The following ATP9A variants were observed in gnomAD, a reference collection of about 807,000 sequenced individuals.
ATP9A encodes ATPase phospholipid transporting 9A.
ATP9A carries 52 observed loss-of-function variants against 144.1 expected under a neutral mutation model. The ratio of observed to expected loss-of-function variants is 0.36; its 90% CI spans 0.29 to 0.45. ATP9A has a LOEUF of 0.45. Ranked by LOEUF, ATP9A falls within the 20% of genes least tolerant of loss-of-function variation. ATP9A has a pLI of 1.00. For synonymous variants in ATP9A, 582 were observed against 557.4 expected (o/e 1.04, Z -0.62); for missense variants, 947 against 1,392.7 (o/e 0.68, Z 5.09).
chr20:51,604,792 G>C, intron 27 of ATP9A, 25 bp downstream of exon 27: 1 of 1,463,176 alleles, frequency 6.8e-7, no homozygotes, highest in East Asian at 2.6e-5. Flanking sequence ...GTGACGGACG[G>C]GGTTTAAGCA....
intron 1 of ATP9A, among the ~76,000 whole-genome samples, chr20:51,736,884 G>A (rs1366561517): frequency 6.6e-6 from 1 of 152,108 alleles, no homozygotes; most frequent in Non-Finnish European, 1.5e-5. Flanking sequence ...GGAGTGAGGA[G>A]TAGGGTACTA....
chr20:51,620,521 T>C (rs1326301981), intron 19 of ATP9A, among the ~76,000 whole-genome samples: 1 of 152,130 alleles, frequency 6.6e-6, no homozygotes, highest in Admixed American at 6.5e-5. Context: ...TTCATTAACA[T>C]TGAGCTCACA....
intron 22 of ATP9A, among the ~76,000 whole-genome samples, chr20:51,615,459 T>TA (rs908189604): frequency 6.6e-6 from 1 of 152,058 alleles, no homozygotes; most frequent in Non-Finnish European, 1.5e-5. Context: ...GTTTTCAATT[T>TA]AAAAAAATAC....
At chr20:51,629,743 G>C (rs923356195) in intron 15 of ATP9A, among the ~76,000 whole-genome samples, 3 of 152,218 alleles carry the variant, frequency 2.0e-5, no homozygotes, top group Non-Finnish European at 2.9e-5. Context: ...GATTTTCTGG[G>C]TAGTGGGTAG....
chr20:51,619,019 G>A lies in ATP9A; in HGVS notation c.2140C>T (p.Leu714Phe). 1.9e-6 allele frequency: 3 copies of A among 1,614,170 alleles called. No homozygotes were observed. The highest frequency in any genetic ancestry group is 2.5e-6 in the Non-Finnish European group (3 of 1,180,026). ...RLVTNRGEAHLELNAFRRKHD... is the reference protein window; with the variant it reads ...RLVTNRGEAHFELNAFRRKHD... ...TTCCTGCGGAAGGCGTTCAGCTCGA[G>A]GTGAGCCTCCCCGCGGTTGGTCACC... The change falls in exon 20 of 28, where the codon CTC becomes TTC. Residue 714 changes from leucine (L) to phenylalanine (F), a missense_variant. Leu to Phe is a conservative substitution (Grantham distance 22). Coordinates refer to ENST00000338821, the MANE Select transcript of ATP9A (RefSeq NM_006045.3).
intron 13 of ATP9A, among the ~76,000 whole-genome samples, chr20:51,663,306 C>T (rs1289988061): frequency 2.6e-5 from 4 of 152,098 alleles, no homozygotes; most frequent in African/African-American, 9.7e-5. Context: ...GGCGTTTTGT[C>T]CACCCAGGTG....
chr20:51,603,194 C>T lies in ATP9A; in HGVS notation c.3007+1623G>A, dbSNP rs185860899. On this transcript the variant is annotated intron_variant, in intron 27 of 27. Coordinates refer to ENST00000338821, the MANE Select transcript of ATP9A (RefSeq NM_006045.3). ...AGCTGATAAAGGAGAAACAGTATCACTCTTGAGGGTTTTTTGTTTGAATAA... is the reference window on the plus strand; with the variant it reads ...AGCTGATAAAGGAGAAACAGTATCATTCTTGAGGGTTTTTTGTTTGAATAA... 2.2e-3 allele frequency among the ~76,000 whole-genome samples: 330 copies of T among 152,310 alleles called. 2 individuals carry two copies. The highest frequency in any genetic ancestry group is 7.6e-3 in the African/African-American group (315 of 41,570).
rs1273614407 is a variant in ATP9A at position 51,656,966 on chromosome 20, C to A, written c.1478G>T (p.Arg493Leu). 1 of 1,613,958 alleles carries A rather than the reference C, an allele frequency of 6.2e-7. No individual in the cohort carries two copies. The highest frequency in any genetic ancestry group is 8.5e-7 in the Non-Finnish European group (1 of 1,180,016). The change falls in exon 14 of 28, where the codon CGC becomes CTC. Residue 493 changes from arginine (R) to leucine (L), a missense_variant. Physicochemically the swap from Arg to Leu is moderately radical, Grantham distance 102. This residue lies in a region of ATP9A where 770 missense variants were observed against 1,047.9 expected (regional missense o/e 0.73). Transcript: ENST00000338821. Reference protein sequence around the residue: ...EAEKQYEDSCRVYQASSPDEV... With the variant: ...EAEKQYEDSCLVYQASSPDEV... ...ATCGGGGCTGGATGCCTGGTATACG[C>A]GGCAGGAGTCTTCGTACTGCTTCTC...
At chr20:51,604,681 A>T (rs1015526240) in intron 27 of ATP9A, 136 bp downstream of exon 27, 1 of 727,140 alleles carries the variant, frequency 1.4e-6, no homozygotes, top group African/African-American at 1.8e-5. Context: ...AAACGTGGAC[A>T]GCTGAGCGGG....
rs11477336 is a variant in ATP9A, at chr20:51,658,888, CGGGGG to C, written c.1294-1743_1294-1739del. On this transcript the variant is annotated intron_variant, in intron 13 of 27. Transcript: ENST00000338821. The stretch of plus-strand genomic sequence containing the variant: ...ATATAATGAAAATTAAGACCACTGG[CGGGGG>C]GGGGGGGGGGAAGGCTCATTGTTGA... Among the ~76,000 whole-genome samples the C allele has an allele frequency of 3.1e-4, 17 of 54,850 alleles. 3 individuals are homozygous for C. Among genetic ancestry groups the C allele is most frequent in the African/African-American group, 8.4e-4 (10 of 11,924 alleles). 36.0% of individuals were successfully genotyped at this position (54,850 alleles called of 152,430 possible).
At chr20:51,671,091 C>A in intron 12 of ATP9A, 24 bp downstream of exon 12, 2 of 1,608,538 alleles carry the variant, frequency 1.2e-6, no homozygotes, top group Non-Finnish European at 1.7e-6. Flanking sequence ...AGGAATCCTG[C>A]GCAGGTCCCA....
chr20:51,652,103 C>T (rs1280703373), intron 14 of ATP9A, among the ~76,000 whole-genome samples: 1 of 152,164 alleles, frequency 6.6e-6, no homozygotes, highest in Non-Finnish European at 1.5e-5. Context: ...CACTCCCCAC[C>T]ACCCACTCTC....
chr20:51,663,888 G>A (rs2077422077), intron 13 of ATP9A, among the ~76,000 whole-genome samples: 1 of 151,920 alleles, frequency 6.6e-6, no homozygotes, highest in East Asian at 1.9e-4. Context: ...CTGGCAGTCA[G>A]TACTGATGAA....
intron 9 of ATP9A, among the ~76,000 whole-genome samples, chr20:51,679,937 A>G (rs1016347032): frequency 2.0e-5 from 3 of 152,108 alleles, no homozygotes; most frequent in Admixed American, 6.6e-5. Context: ...AGGCACTATC[A>G]AACTGTTGTG....
intron 5 of ATP9A, 26 bp downstream of exon 5, chr20:51,697,398 C>T: frequency 6.2e-7 from 1 of 1,610,592 alleles, no homozygotes; most frequent in African/African-American, 1.3e-5. Flanking sequence ...GTGGTATCCA[C>T]ACACAAGCTT....
intron 3 of ATP9A, among the ~76,000 whole-genome samples, chr20:51,713,447 AG>A (rs1455989714): frequency 6.6e-6 from 1 of 152,202 alleles, no homozygotes; most frequent in Non-Finnish European, 1.5e-5. Flanking sequence ...TGTGCTGGGC[AG>A]TATTGGAAGT....
chr20:51,665,433 A>T, intron 13 of ATP9A, among the ~76,000 whole-genome samples: 1 of 152,182 alleles, frequency 6.6e-6, no homozygotes, highest in Admixed American at 6.5e-5. Context: ...AAGTACTAGT[A>T]AATTGCCAGG....
intron 13 of ATP9A, among the ~76,000 whole-genome samples, chr20:51,663,719 G>A (rs2426362): frequency 0.48 from 72,634 of 150,258 alleles, 18,382 homozygotes; most frequent in East Asian, 0.79. Context: ...GCGTGAACCC[G>A]GGAGGTGGAG....
chr20:51,701,302 C>T (rs1015374410), intron 4 of ATP9A, among the ~76,000 whole-genome samples: 20 of 152,158 alleles, frequency 1.3e-4, no homozygotes, highest in Non-Finnish European at 5.9e-5. Context: ...GGAGATTTCA[C>T]TAAAAGGATC....
Sources: gnomAD v4.1 joint callset for allele counts (sites outside exome capture counted in the v4.1 genomes callset) on GRCh38, gnomAD v4.1.1 for gene constraint, gnomAD v4.1.1 regional missense constraint, MANE v1.5 for transcripts, NCBI Gene and HGNC (gene_info 2026-07-23, HGNC 2026-07-21) for gene names.